Variants in EGF observed in about 807,000 individuals in gnomAD.
EGF encodes the protein pro-epidermal growth factor.
In EGF, 95 loss-of-function variants were observed where a neutral mutation model predicts 143.8. That is an observed-to-expected ratio of 0.66 (90% confidence interval 0.56 to 0.78). The LOEUF (loss-of-function observed/expected upper bound fraction) is 0.78, where lower values mean the gene tolerates loss of function less well. Among genes scored for constraint, EGF ranks in the 30% least tolerant of loss-of-function variants. EGF has a pLI of 0.00. For synonymous variants in EGF, 510 were observed against 510.5 expected, an observed-to-expected ratio of 1.00 and a Z score of 0.01; for missense variants, 1,320 against 1,470.9, an observed-to-expected ratio of 0.90 and a Z score of 1.68.
intron 13 of EGF, among the ~76,000 whole-genome samples, 174 bp downstream of exon 13, chr4:109,976,409 G>T (rs1022195202): frequency 2.0e-5 from 3 of 152,118 alleles, no homozygotes; most frequent in African/African-American, 7.2e-5. Context: ...ATTGGAATAC[G>T]GGGTAAAAAA....
intron 20 of EGF, 25 bp from the exon 21 acceptor site, chr4:109,999,654 G>A: frequency 3.7e-6 from 6 of 1,614,146 alleles, no homozygotes; most frequent in Non-Finnish European, 4.2e-6. Flanking sequence ...CATCTCTGAT[G>A]ACCTCTGTTT....
chr4:109,956,790 C>T (rs1447496148), intron 5 of EGF, among the ~76,000 whole-genome samples: 1 of 152,068 alleles, frequency 6.6e-6, no homozygotes, highest in African/African-American at 2.4e-5. Context: ...TGAAAGTTGA[C>T]AAGACTGATT....
intron 13 of EGF, among the ~76,000 whole-genome samples, chr4:109,977,888 A>G (rs1748746633): frequency 6.6e-6 from 1 of 152,208 alleles, no homozygotes; most frequent in African/African-American, 2.4e-5. Flanking sequence ...GTAAAATTGT[A>G]TCTTTGACAT....
intron 20 of EGF, among the ~76,000 whole-genome samples, chr4:109,996,464 T>C (rs1191758640): frequency 6.6e-6 from 1 of 152,240 alleles, no homozygotes; most frequent in Non-Finnish European, 1.5e-5. Context: ...TGTTTTTAAA[T>C]TGTATATTTA....
intron 5 of EGF, among the ~76,000 whole-genome samples, chr4:109,956,242 T>C (rs1744764166): frequency 6.6e-6 from 1 of 152,228 alleles, no homozygotes; most frequent in South Asian, 2.1e-4. Context: ...GATAAAGTGA[T>C]GTGCTGTAAG....
At chr4:109,976,359 A>T in intron 13 of EGF, 124 bp downstream of exon 13, 1 of 862,940 alleles carries the variant, frequency 1.2e-6, no homozygotes, top group Non-Finnish European at 1.9e-6. Flanking sequence ...ATAGAGACAG[A>T]CTTCTCCAGG....
rs1388996723 is a variant in EGF, at chr4:110,012,023, A to G, written c.*568A>G. 15 of 153,082 alleles carry G rather than the reference A, an allele frequency of 9.8e-5. No individual in the cohort carries two copies. The highest frequency in any genetic ancestry group is 9.7e-4 in the Admixed American group (15 of 15,466). The allele number at this position is 153,082 out of a possible 1,614,324, so 9.5% of individuals were successfully genotyped here. On this transcript the variant is annotated 3_prime_UTR_variant, in exon 24 of 24. Transcript: ENST00000265171. ...TAGAAACTGATTTCTTCAGAATTAG[A>G]TGGCTTATTTTTTAAAATATTTGAA...
chr4:109,967,945 C>T (rs1746875494), intron 10 of EGF, among the ~76,000 whole-genome samples: 1 of 152,016 alleles, frequency 6.6e-6, no homozygotes, highest in Admixed American at 6.6e-5. Flanking sequence ...GGGCACTTAC[C>T]ATGAATGAAA....
chr4:109,994,544 A>C (rs1385824914), intron 19 of EGF, among the ~76,000 whole-genome samples, 189 bp from the exon 20 acceptor site: 2 of 152,232 alleles, frequency 1.3e-5, no homozygotes, highest in South Asian at 4.1e-4. Flanking sequence ...GCCCAAAGGA[A>C]GAACGGCTGG....
intron 13 of EGF, chr4:109,977,492 A>G (rs1448412216): frequency 6.6e-6 from 1 of 152,092 alleles, no homozygotes; most frequent in Admixed American, 6.6e-5. Flanking sequence ...AACAAATATG[A>G]TATCTGCAAA....
intron 1 of EGF, among the ~76,000 whole-genome samples, chr4:109,917,519 T>C (rs529394098): frequency 8.5e-5 from 13 of 152,320 alleles, no homozygotes; most frequent in African/African-American, 2.9e-4. Flanking sequence ...TTTCAATTTT[T>C]ACTTTACATT....
chr4:109,980,587 T>C, intron 14 of EGF: 1 of 552,322 alleles, frequency 1.8e-6, no homozygotes, highest in South Asian at 2.1e-5. Context: ...AAGAGCTTCT[T>C]GAAAAAAGTG....
intron 13 of EGF, among the ~76,000 whole-genome samples, chr4:109,979,301 G>A (rs1346628712): frequency 6.6e-6 from 1 of 152,138 alleles, no homozygotes; most frequent in East Asian, 1.9e-4. Context: ...ATAGTAGACA[G>A]AGGGAACAAA....
chr4:109,961,055 C>T (rs1321217993), intron 7 of EGF, 66 bp downstream of exon 7: 10 of 1,578,458 alleles, frequency 6.3e-6, no homozygotes, highest in Non-Finnish European at 7.0e-6. Flanking sequence ...TCTAAGGTGG[C>T]TATGATCTGG....
At chr4:109,951,520 C>A (rs184687905) in intron 5 of EGF, among the ~76,000 whole-genome samples, 83 of 152,304 alleles carry the variant, frequency 5.4e-4, no homozygotes, top group African/African-American at 1.9e-3. Context: ...AATAACCCAT[C>A]TAAGTACATG....
chr4:109,999,783 C>T lies in EGF; in HGVS notation c.3110C>T (p.Ala1037Val), dbSNP rs572990451. The change falls in exon 21 of 24, where the codon GCT becomes GTT. Residue 1037 changes from alanine to valine, a missense_variant. Ala to Val is a moderately conservative substitution (Grantham distance 64). Around this residue, in one of 5 missense-constraint regions of EGF, gnomAD observed 1,186 missense variants for 1,313.7 expected, o/e 0.90. Transcript: ENST00000265171. ...HGQQQKVIVVAVCVVVLVMLL... is the reference protein window; with the variant it reads ...HGQQQKVIVVVVCVVVLVMLL... ...CAGCAGCAGAAGGTCATCGTGGTGG[C>T]TGTCTGCGTGGTGGTGCTTGTCATG... The T allele has an allele frequency of 2.9e-5, 47 of 1,614,064 alleles. No homozygotes were observed. In the East Asian group the frequency reaches 7.4e-4, roughly 25 times the overall value.
chr4:109,919,316 TCTCTCTC>T (rs556848930), intron 1 of EGF, among the ~76,000 whole-genome samples: 17,531 of 146,316 alleles, frequency 0.12, 1,581 homozygotes, highest in African/African-American at 0.25. Flanking sequence ...TCTCTCTCTC[TCTCTCTC>T]TCTCTCTCTC....
At chr4:109,938,843 T>C (rs375645099) in intron 1 of EGF, among the ~76,000 whole-genome samples, 1 of 152,186 alleles carries the variant, frequency 6.6e-6, no homozygotes, top group African/African-American at 2.4e-5. Context: ...GTATCACCAG[T>C]GGAGGCTACA....
chr4:109,993,608 C>A (rs934277700), intron 19 of EGF, among the ~76,000 whole-genome samples: 2 of 152,100 alleles, frequency 1.3e-5, no homozygotes, highest in Non-Finnish European at 2.9e-5. Context: ...AAGATGGGAA[C>A]ATGGGTATCT....
Sources: gnomAD v4.1 joint callset for allele counts (sites outside exome capture counted in the v4.1 genomes callset) on GRCh38, gnomAD v4.1.1 for gene constraint, gnomAD v4.1.1 regional missense constraint, MANE v1.5 for transcripts, NCBI Gene and HGNC (gene_info 2026-07-23, HGNC 2026-07-21) for gene names.